DENND1A: variants seen among roughly 807,000 people sequenced by gnomAD.
DENND1A encodes the protein DENN domain containing 1A.
A neutral mutation model predicts 113.7 loss-of-function variants in DENND1A; 51 were observed. The ratio of observed to expected loss-of-function variants is 0.45; its 90% CI spans 0.36 to 0.57. The LOEUF (loss-of-function observed/expected upper bound fraction) is 0.57. Among genes scored for constraint, DENND1A ranks in the 20% least tolerant of loss-of-function variants. DENND1A has a pLI of 0.00. For synonymous variants in DENND1A, 565 were observed against 570.8 expected, an observed-to-expected ratio of 0.99 and a Z score of 0.14; for missense variants, 1,258 against 1,395.9, an observed-to-expected ratio of 0.90 and a Z score of 1.57.
intron 5 of DENND1A, among the ~76,000 whole-genome samples, chr9:123,729,968 A>G (rs1411453620): frequency 6.6e-6 from 1 of 152,182 alleles, no homozygotes; most frequent in Non-Finnish European, 1.5e-5. Context: ...ATCTACAACC[A>G]ACTGATCTTT....
intron 7 of DENND1A, among the ~76,000 whole-genome samples, chr9:123,669,338 T>C (rs918475492): frequency 6.6e-6 from 1 of 152,208 alleles, no homozygotes; most frequent in Admixed American, 6.5e-5. Context: ...CCTTTACAGA[T>C]GCAATTGATA....
At chr9:123,590,453 G>T (rs1287132185) in intron 11 of DENND1A, among the ~76,000 whole-genome samples, 1 of 152,162 alleles carries the variant, frequency 6.6e-6, no homozygotes, top group Admixed American at 6.5e-5. Flanking sequence ...GTGCCAACTT[G>T]GGTATGTCAC....
At chr9:123,395,575 G>C (rs7858443) in intron 21 of DENND1A, among the ~76,000 whole-genome samples, 80,622 of 151,644 alleles carry the variant, frequency 0.53, 22,581 homozygotes, top group Non-Finnish European at 0.65. Context: ...CATGTGTTTG[G>C]ATAGCTGGCT....
intron 13 of DENND1A, among the ~76,000 whole-genome samples, chr9:123,486,610 G>A (rs1326839791): frequency 6.6e-6 from 1 of 152,152 alleles, no homozygotes; most frequent in Non-Finnish European, 1.5e-5. Flanking sequence ...CCAACTAAAT[G>A]GCATGTGTCC....
chr9:123,430,828 A>G (rs1317183142), intron 19 of DENND1A, among the ~76,000 whole-genome samples: 1 of 152,178 alleles, frequency 6.6e-6, no homozygotes, highest in African/African-American at 2.4e-5. Flanking sequence ...CCTGGAACTT[A>G]AAGTAAATAT....
At chr9:123,880,020 GTATT>G in intron 1 of DENND1A, among the ~76,000 whole-genome samples, 1 of 151,942 alleles carries the variant, frequency 6.6e-6, no homozygotes, top group African/African-American at 2.4e-5. Context: ...GTTTATTTAC[GTATT>G]TATTTTGAGA....
Position 123,381,490 on chromosome 9 carries a change from A to C in DENND1A, c.3155T>G (p.Leu1052Arg), listed in dbSNP as rs761567995. ...TKQDVSPSPALAPAPDSVEQL... is the reference protein window; with the variant it reads ...TKQDVSPSPARAPAPDSVEQL... Reference sequence around the variant, plus strand: ...CTCCACCGAGTCTGGGGCCGGGGCCAGGGCCGGACTCGGGCTCACGTCTTG... The same window carrying C: ...CTCCACCGAGTCTGGGGCCGGGGCCCGGGCCGGACTCGGGCTCACGTCTTG... Residue 1052 changes from leucine to arginine, a missense_variant, in exon 24 of 24, where the codon CTG becomes CGG. Coordinates refer to ENST00000394215, the MANE Select transcript of DENND1A (RefSeq NM_001352964.2). The surrounding 1 kb of genome is among the most constrained non-coding windows in gnomAD (Gnocchi z 4.7). 191 of 1,613,288 alleles carry C rather than the reference A, an allele frequency of 1.2e-4. 4 individuals carry two copies. The South Asian group carries it at 1.6e-3, about 14-fold the overall frequency.
At chr9:123,571,450 C>A (rs2058351350) in intron 12 of DENND1A, among the ~76,000 whole-genome samples, 1 of 152,246 alleles carries the variant, frequency 6.6e-6, no homozygotes, top group African/African-American at 2.4e-5. Context: ...TGCCCCTTGG[C>A]AGTCAGGCCC....
At chr9:123,615,579 C>G (rs2060613861) in intron 10 of DENND1A, among the ~76,000 whole-genome samples, 1 of 152,224 alleles carries the variant, frequency 6.6e-6, no homozygotes, top group African/African-American at 2.4e-5. Context: ...TCATCTCAGT[C>G]ACATGGTGGC....
chr9:123,743,011 A>G (rs1181505281), intron 5 of DENND1A, among the ~76,000 whole-genome samples: 1 of 152,194 alleles, frequency 6.6e-6, no homozygotes, highest in Non-Finnish European at 1.5e-5. Context: ...GTGTATAACT[A>G]ATGGTATTTT....
At chr9:123,751,699 C>A (rs1431047508) in intron 5 of DENND1A, 2 of 152,250 alleles carry the variant, frequency 1.3e-5, no homozygotes, top group South Asian at 2.1e-4. Flanking sequence ...TGCTCCCTCA[C>A]TGCATTCTCA....
intron 3 of DENND1A, among the ~76,000 whole-genome samples, chr9:123,780,705 A>G (rs941815794): frequency 6.6e-6 from 1 of 152,346 alleles, no homozygotes; most frequent in Admixed American, 6.5e-5. Context: ...TTATATATAT[A>G]AAGTATCTAA....
intron 22 of DENND1A, among the ~76,000 whole-genome samples, chr9:123,387,411 C>T (rs997914543): frequency 1.3e-5 from 2 of 152,190 alleles, no homozygotes; most frequent in African/African-American, 4.8e-5. Context: ...ACTTGGAGAT[C>T]AACAACCAGG....
chr9:123,748,097 T>C (rs73667913), intron 5 of DENND1A, among the ~76,000 whole-genome samples: 2,484 of 152,336 alleles, frequency 0.016, 73 homozygotes, highest in African/African-American at 0.057. Context: ...TACTAAGAGC[T>C]TCTTTCCTTG....
intron 1 of DENND1A, among the ~76,000 whole-genome samples, chr9:123,905,972 G>A (rs1183264490): frequency 1.3e-5 from 2 of 151,272 alleles, no homozygotes; most frequent in Non-Finnish European, 3.0e-5. Context: ...GCTCTCCTCA[G>A]CAAATGTAAA....
intron 8 of DENND1A, among the ~76,000 whole-genome samples, chr9:123,661,316 G>T (rs78129018): frequency 0.021 from 3,249 of 152,290 alleles, 47 homozygotes; most frequent in Non-Finnish European, 0.033. Context: ...AACCAGAAAG[G>T]CCTGGTGACA....
chr9:123,648,140 T>C (rs1230641432), intron 9 of DENND1A, among the ~76,000 whole-genome samples: 2 of 152,188 alleles, frequency 1.3e-5, no homozygotes, highest in African/African-American at 4.8e-5. Flanking sequence ...AGTGAAGTGG[T>C]ATGATCATAC....
chr9:123,552,840 C>T lies in DENND1A; in HGVS notation c.993+4730G>A, dbSNP rs150964981. 5.1e-3 allele frequency among the ~76,000 whole-genome samples: 778 copies of T among 152,364 alleles called. 7 individuals are homozygous for T. Among genetic ancestry groups the T allele is most frequent in the African/African-American group, 0.018 (742 of 41,592 alleles). On this transcript the variant is annotated intron_variant, in intron 13 of 23. Coordinates refer to ENST00000394215, the MANE Select transcript of DENND1A (RefSeq NM_001352964.2). ...CAAAGGCCTTAAATGGACTCACATC[C>T]GTTTACCCAGTAAATCCATGTCAAG...
At chr9:123,690,383 T>C (rs997939118) in intron 5 of DENND1A, among the ~76,000 whole-genome samples, 2 of 152,166 alleles carry the variant, frequency 1.3e-5, no homozygotes, top group Non-Finnish European at 2.9e-5. Context: ...TGTTAAGTAC[T>C]GTTATTCATA....
Sources: allele counts gnomAD v4.1 joint callset (sites outside exome capture counted in the v4.1 genomes callset), GRCh38; gene constraint gnomAD v4.1.1; non-coding constraint Gnocchi (gnomAD v3.1); transcripts MANE v1.5; gene names NCBI Gene and HGNC (gene_info 2026-07-23, HGNC 2026-07-21).